The following GABRG1 variants were observed in gnomAD, a reference collection of about 807,000 sequenced individuals.
GABRG1 encodes the protein gamma-aminobutyric acid receptor subunit gamma-1.
A neutral mutation model predicts 49.8 loss-of-function variants in GABRG1; 49 were observed. The observed-to-expected ratio is 0.98, with a 90% CI of 0.78 to 1.25. The LOEUF (loss-of-function observed/expected upper bound fraction) is 1.25, where lower values mean the gene tolerates loss of function less well. Among genes scored for constraint, GABRG1 ranks in the 50% most tolerant of loss-of-function variants. The pLI is 0.00. For missense variants in GABRG1, 552 were observed against 552.3 expected (o/e 1.00, Z 0.01); for synonymous variants, 232 against 185.1 (o/e 1.25, Z -2.06).
chr4:46,081,781 C>T (rs537487755), intron 3 of GABRG1, among the ~76,000 whole-genome samples: 5 of 151,646 alleles, frequency 3.3e-5, no homozygotes, highest in African/African-American at 4.8e-5. Context: ...AGTCAACATG[C>T]GGCTTTTAGG....
At position 46,038,188 on chromosome 4, in the gene GABRG1, G is replaced by T. The variant is rs1310194555; in HGVS notation, c.*2800C>A. The T allele has an allele frequency of 1.3e-5, 2 of 151,464 alleles. No homozygotes were observed. Among genetic ancestry groups the T allele is most frequent in the Non-Finnish European group, 3.0e-5 (2 of 67,676 alleles). The allele number at this position is 151,464 out of a possible 1,614,324, so 9.4% of individuals were successfully genotyped here. A position where few individuals can be genotyped will look rare whatever the true frequency, so the allele number is the denominator to read the frequency against. ...TTCCCTGTCCCTGCTAAATTCTCAAGTATTCTATGTATTTTTTACTTTTTT... is the reference window on the plus strand; with the variant it reads ...TTCCCTGTCCCTGCTAAATTCTCAATTATTCTATGTATTTTTTACTTTTTT... On this transcript the variant is annotated 3_prime_UTR_variant, in exon 9 of 9. Transcript: ENST00000295452.
At chr4:46,043,236 T>A (rs995744288) in intron 8 of GABRG1, among the ~76,000 whole-genome samples, 3 of 151,962 alleles carry the variant, frequency 2.0e-5, no homozygotes, top group Admixed American at 6.6e-5. Flanking sequence ...AATGATTAAA[T>A]TTTTTAGTGC....
rs550294584 is a variant in GABRG1 at position 46,066,875 on chromosome 4, C to CGTGTATATATGTGT, written c.322-1305_322-1292dup. The stretch of plus-strand genomic sequence containing the variant: ...TATGTACTATATATATTTATGTGTG[C>CGTGTATATATGTGT]GTGTATATATGTGTGTGTATATATG... On this transcript the variant is annotated intron_variant, in intron 3 of 8. Coordinates refer to ENST00000295452, the MANE Select transcript of GABRG1 (RefSeq NM_173536.4). Among the ~76,000 whole-genome samples the CGTGTATATATGTGT allele has an allele frequency of 3.5e-3, 521 of 149,934 alleles. 3 individuals carry two copies. Among genetic ancestry groups the CGTGTATATATGTGT allele is most frequent in the African/African-American group, 0.012 (503 of 40,856 alleles).
chr4:46,094,102 G>A (rs1237560016), intron 2 of GABRG1, among the ~76,000 whole-genome samples: 7 of 151,754 alleles, frequency 4.6e-5, no homozygotes, highest in East Asian at 3.9e-4. Context: ...GAAATAAATC[G>A]TAAAAGTCTA....
intron 7 of GABRG1, among the ~76,000 whole-genome samples, chr4:46,056,118 AGAAAGG>A (rs1451841194): frequency 3.3e-5 from 1 of 30,392 alleles, no homozygotes; most frequent in Non-Finnish European, 6.1e-5. Flanking sequence ...AAAAAAAAAA[AGAAAGG>A]AAAAAAAAAA....
At chr4:46,062,012 G>A (rs1252784761) in intron 5 of GABRG1, among the ~76,000 whole-genome samples, 1 of 142,270 alleles carries the variant, frequency 7.0e-6, no homozygotes, top group East Asian at 2.2e-4. Context: ...ATCTCCTAAT[G>A]CTATCCCTCC....
At chr4:46,089,670 G>A (rs1420119932) in intron 2 of GABRG1, among the ~76,000 whole-genome samples, 1 of 152,032 alleles carries the variant, frequency 6.6e-6, no homozygotes. Context: ...TTGTTAAGAA[G>A]TAGGAAAATA....
rs1718429511 is a variant in GABRG1 at position 46,056,150 on chromosome 4, TTAAAAAAAAAAAA to T, written c.916+2054_916+2066del. Among the ~76,000 whole-genome samples, 8 of 46,068 alleles carry T rather than the reference TTAAAAAAAAAAAA, an allele frequency of 1.7e-4. 1 individual carries two copies. The East Asian group carries it at 2.9e-3, about 16-fold the overall frequency. The allele number at this position is 46,068 out of a possible 152,430, so 30.2% of individuals were successfully genotyped here. Reference sequence around the variant, plus strand: ...AAAAAAAAAAAAATAAATAAATAAATTAAAAAAAAAAAAAAAAAAAAAAAAAAAAATAGTCTCC... The same window carrying T: ...AAAAAAAAAAAAATAAATAAATAAATAAAAAAAAAAAAAAAAATAGTCTCC... On this transcript the variant is annotated intron_variant, in intron 7 of 8. Coordinates refer to ENST00000295452, the MANE Select transcript of GABRG1 (RefSeq NM_173536.4).
intron 3 of GABRG1, among the ~76,000 whole-genome samples, 170 bp downstream of exon 3, chr4:46,083,816 A>G (rs1719659236): frequency 6.6e-6 from 1 of 151,616 alleles, no homozygotes; most frequent in South Asian, 2.1e-4. Context: ...ATTCTTAGAT[A>G]CAGGTATAGT....
At chr4:46,089,097 C>T (rs191670038) in intron 2 of GABRG1, among the ~76,000 whole-genome samples, 9 of 151,972 alleles carry the variant, frequency 5.9e-5, no homozygotes, top group Middle Eastern at 3.4e-3. Flanking sequence ...TGGTTAGCAG[C>T]GTCTCACAGG....
At chr4:46,098,323 C>A (rs114245480) in intron 1 of GABRG1, among the ~76,000 whole-genome samples, 1 of 151,692 alleles carries the variant, frequency 6.6e-6, no homozygotes, top group Non-Finnish European at 1.5e-5. Flanking sequence ...TCATTCTAGA[C>A]TTAACAACAC....
intron 1 of GABRG1, among the ~76,000 whole-genome samples, chr4:46,122,189 G>A (rs1721106054): frequency 1.3e-5 from 2 of 151,774 alleles, no homozygotes; most frequent in Admixed American, 1.3e-4. Context: ...AATTGGCTCT[G>A]GAGCCAATTA....
chr4:46,123,101 A>AACAC (rs34086673), intron 1 of GABRG1, among the ~76,000 whole-genome samples: 4,974 of 129,474 alleles, frequency 0.038, 125 homozygotes, highest in Admixed American at 0.071. Context: ...CATACACACA[A>AACAC]ACACACACAC....
intron 7 of GABRG1, among the ~76,000 whole-genome samples, chr4:46,056,903 T>A (rs537854210): frequency 2.0e-5 from 3 of 152,162 alleles, no homozygotes; most frequent in African/African-American, 7.2e-5. Flanking sequence ...AAAAATAAGT[T>A]TATGCAAAAA....
chr4:46,050,092 T>C (rs1205941393), intron 8 of GABRG1, among the ~76,000 whole-genome samples: 2 of 151,838 alleles, frequency 1.3e-5, no homozygotes, highest in African/African-American at 4.8e-5. Context: ...GAAAGGAAAA[T>C]TGTAGAAAGC....
chr4:46,115,750 T>C (rs557612999), intron 1 of GABRG1, among the ~76,000 whole-genome samples: 1 of 150,972 alleles, frequency 6.6e-6, no homozygotes, highest in Admixed American at 6.6e-5. Context: ...AATAGCAATT[T>C]AAATTGCTTT....
intron 1 of GABRG1, among the ~76,000 whole-genome samples, chr4:46,111,407 G>A (rs965035638): frequency 4.0e-5 from 6 of 151,134 alleles, no homozygotes; most frequent in Admixed American, 1.3e-4. Flanking sequence ...TATTAAAAAG[G>A]CCATATCGGA....
At chr4:46,049,655 G>A (rs1718137780) in intron 8 of GABRG1, among the ~76,000 whole-genome samples, 1 of 151,894 alleles carries the variant, frequency 6.6e-6, no homozygotes. Flanking sequence ...ATTAAAAATA[G>A]TAACTATTCT....
In GABRG1 at chr4:46,040,966, ATT is replaced by A; in HGVS notation, c.*20_*21del. ...ACTGAATTTAGTCAGACTTCTTTTG[ATT>A]TTTGCTTATGAAGTAGATTTTATAA... On this transcript the variant is annotated 3_prime_UTR_variant, in exon 9 of 9. Transcript: ENST00000295452. 1 of 1,593,210 alleles carries A rather than the reference ATT, an allele frequency of 6.3e-7. No homozygotes were observed. The highest frequency in any genetic ancestry group is 8.5e-7 in the Non-Finnish European group (1 of 1,170,168).
Sources: allele counts gnomAD v4.1 joint callset (sites outside exome capture counted in the v4.1 genomes callset), GRCh38; gene constraint gnomAD v4.1.1; transcripts MANE v1.5; gene names NCBI Gene and HGNC (gene_info 2026-07-23, HGNC 2026-07-21).